WNT9B: variants seen among roughly 807,000 people sequenced by gnomAD.
WNT9B encodes protein Wnt-9b.
In WNT9B, 12 loss-of-function variants were observed where a neutral mutation model predicts 30.2. The observed-to-expected ratio is 0.40, with a 90% CI of 0.26 to 0.64. The LOEUF is 0.64. Among genes scored for constraint, WNT9B ranks in the 30% least tolerant of loss-of-function variants. The pLI is 0.42. For synonymous variants in WNT9B, 218 were observed against 216.9 expected (o/e 1.01, Z -0.05); for missense variants, 442 against 485.2 (o/e 0.91, Z 0.84).
intron 1 of WNT9B, among the ~76,000 whole-genome samples, chr17:46,862,219 G>C (rs758470869): frequency 4.6e-4 from 70 of 151,288 alleles, no homozygotes; most frequent in Non-Finnish European, 6.3e-4. Context: ...TAATATAGGA[G>C]GTAGGGGAGG....
chr17:46,854,341 T>C (rs2146548591), intron 1 of WNT9B, among the ~76,000 whole-genome samples: 1 of 152,328 alleles, frequency 6.6e-6, no homozygotes, highest in East Asian at 1.9e-4. Context: ...TCATTTGCAT[T>C]TGATTATAAC....
intron 1 of WNT9B, among the ~76,000 whole-genome samples, chr17:46,871,892 C>T (rs1001748926): frequency 2.0e-5 from 3 of 152,130 alleles, no homozygotes; most frequent in African/African-American, 7.2e-5. Flanking sequence ...GTACCAGGCA[C>T]CAGGTGGTCA....
chr17:46,851,290 C>T (rs902950167), upstream of WNT9B, among the ~76,000 whole-genome samples: 8 of 151,886 alleles, frequency 5.3e-5, no homozygotes, highest in African/African-American at 1.9e-4. The surrounding 1 kb of genome is among the most constrained non-coding windows in gnomAD (Gnocchi z 4.3). Flanking sequence ...CGCCTCGTAC[C>T]CTCCTCCCCG....
At chr17:46,881,060 A>C (rs1051643634), downstream of WNT9B, among the ~76,000 whole-genome samples, 1 of 152,200 alleles carries the variant, frequency 6.6e-6, no homozygotes, top group Non-Finnish European at 1.5e-5. Context: ...TTCCTTCCCA[A>C]CATGCTTTGG....
At chr17:46,838,587 A>C (rs1038167775) in intron 1 of WNT9B, among the ~76,000 whole-genome samples, 1 of 152,128 alleles carries the variant, frequency 6.6e-6, no homozygotes, top group East Asian at 1.9e-4. Flanking sequence ...TGATGGCGCC[A>C]CTGCACTCCA....
chr17:46,840,009 TTCTTTCTTTCTTTCTTTC>T (rs1167205947), intron 1 of WNT9B, among the ~76,000 whole-genome samples: 2 of 55,490 alleles, frequency 3.6e-5, no homozygotes, highest in East Asian at 0.019. Context: ...TCTTCTTTCT[TTCTTTCTTTCTTTCTTTC>T]TTTCTTTTCT....
At chr17:46,860,597 G>A (rs2085019936) in intron 1 of WNT9B, among the ~76,000 whole-genome samples, 1 of 152,212 alleles carries the variant, frequency 6.6e-6, no homozygotes, top group South Asian at 2.1e-4. Context: ...TTAAATGAAT[G>A]TATATATAGG....
chr17:46,865,083 A>G (rs1421326656), intron 1 of WNT9B, among the ~76,000 whole-genome samples: 1 of 152,208 alleles, frequency 6.6e-6, no homozygotes, highest in Non-Finnish European at 1.5e-5. Context: ...AGCCACTGTG[A>G]CACCTGATGC....
intron 1 of WNT9B, among the ~76,000 whole-genome samples, chr17:46,835,066 C>T (rs1355726680): frequency 6.6e-6 from 1 of 152,230 alleles, no homozygotes; most frequent in Non-Finnish European, 1.5e-5. Flanking sequence ...GCGATCAGTG[C>T]TCACTGTAGC....
chr17:46,883,124 G>A (rs2085444613), downstream of WNT9B, among the ~76,000 whole-genome samples: 1 of 151,856 alleles, frequency 6.6e-6, no homozygotes, highest in African/African-American at 2.4e-5. Context: ...GACTCCAGGT[G>A]CCCGCCACCA....
intron 1 of WNT9B, among the ~76,000 whole-genome samples, chr17:46,846,341 T>C (rs923522031): frequency 7.2e-5 from 11 of 152,232 alleles, no homozygotes; most frequent in Non-Finnish European, 7.3e-5. Flanking sequence ...TTTAACAATG[T>C]TTTTACTGTG....
intron 1 of WNT9B, among the ~76,000 whole-genome samples, chr17:46,868,648 T>G (rs941913501): frequency 7.2e-5 from 11 of 152,156 alleles, no homozygotes; most frequent in Non-Finnish European, 1.3e-4. Context: ...CACATTTTTC[T>G]GGGTTCATAA....
intron 1 of WNT9B, among the ~76,000 whole-genome samples, chr17:46,857,155 A>T (rs1299479259): frequency 6.6e-6 from 1 of 152,090 alleles, no homozygotes; most frequent in Non-Finnish European, 1.5e-5. Flanking sequence ...TTATTTATCC[A>T]TTCCCCACTT....
intron 1 of WNT9B, among the ~76,000 whole-genome samples, chr17:46,862,294 A>G (rs1053412390): frequency 1.8e-4 from 27 of 152,222 alleles, no homozygotes; most frequent in Admixed American, 1.8e-3. Context: ...AACGTATCGT[A>G]TATTCCATGG....
At chr17:46,844,990 G>A (rs1007534055) in intron 1 of WNT9B, among the ~76,000 whole-genome samples, 23 of 152,094 alleles carry the variant, frequency 1.5e-4, no homozygotes, top group Non-Finnish European at 2.5e-4. Flanking sequence ...TGGGACTACC[G>A]GCATGCACCA....
chr17:46,883,168 G>A (rs1474039859), downstream of WNT9B, among the ~76,000 whole-genome samples: 1 of 152,020 alleles, frequency 6.6e-6, no homozygotes, highest in African/African-American at 2.4e-5. Flanking sequence ...ATTTTTAGTA[G>A]AGACGGGGTT....
chr17:46,850,929 C>A (rs1211366841), upstream of WNT9B, among the ~76,000 whole-genome samples: 2 of 152,214 alleles, frequency 1.3e-5, no homozygotes, highest in African/African-American at 2.4e-5. Flanking sequence ...CCACGGAGGC[C>A]CACGCTGCGC....
rs1341012886 is a variant in WNT9B at position 46,872,777 on chromosome 17, G to A, written c.334+4G>A. On this transcript the variant is annotated splice_donor_region_variant and intron_variant, in intron 2 of 3. Transcript: ENST00000290015. ...AGGATGGGCCTGCTCAAGAGAGGTG[G>A]GGAGGAGGGCTAGGGGACGGGGAGG... 6 of 1,597,028 alleles carry A rather than the reference G, an allele frequency of 3.8e-6. No individual in the cohort carries two copies. Among genetic ancestry groups the A allele is most frequent in the Non-Finnish European group, 5.1e-6 (6 of 1,169,720 alleles).
At chr17:46,868,447 A>G (rs9911622) in intron 1 of WNT9B, among the ~76,000 whole-genome samples, 2 of 151,434 alleles carry the variant, frequency 1.3e-5, no homozygotes, top group Non-Finnish European at 2.9e-5. Context: ...CACAAAAAAA[A>G]TAGCTGGGCG....
Sources: allele counts gnomAD v4.1 joint callset (sites outside exome capture counted in the v4.1 genomes callset), GRCh38; gene constraint gnomAD v4.1.1; non-coding constraint Gnocchi (gnomAD v3.1); transcripts MANE v1.5; gene names NCBI Gene and HGNC (gene_info 2026-07-23, HGNC 2026-07-21).